COL19A1: variants seen among roughly 807,000 people sequenced by gnomAD.
COL19A1 encodes the protein collagen alpha-1(XIX) chain.
A neutral mutation model predicts 190.2 loss-of-function variants in COL19A1; 159 were observed. That is an observed-to-expected ratio of 0.84 (90% CI 0.73 to 0.95). The LOEUF (loss-of-function observed/expected upper bound fraction) is 0.95. Among genes scored for constraint, COL19A1 ranks in the 40% least tolerant of loss-of-function variants. The pLI, the probability that COL19A1 is intolerant of heterozygous loss-of-function variation, is 0.00. For synonymous variants in COL19A1, 509 were observed against 458.9 expected (o/e 1.11, Z -1.39); for missense variants, 1,418 against 1,431.9 (o/e 0.99, Z 0.16).
chr6:70,108,869 T>G (rs1245928154), intron 16 of COL19A1, among the ~76,000 whole-genome samples: 1 of 152,138 alleles, frequency 6.6e-6, no homozygotes, highest in Non-Finnish European at 1.5e-5. Context: ...CTTTAAAGCA[T>G]GAATCATTGC....
At chr6:69,960,647 T>TC (rs1304768500) in intron 10 of COL19A1, among the ~76,000 whole-genome samples, 1 of 132,978 alleles carries the variant, frequency 7.5e-6, no homozygotes, top group Non-Finnish European at 1.6e-5. Context: ...TTTTTTTTTT[T>TC]GAGACGGAGT....
chr6:70,054,668 C>T (rs1019357076), intron 14 of COL19A1, among the ~76,000 whole-genome samples: 53 of 152,204 alleles, frequency 3.5e-4, no homozygotes, highest in African/African-American at 1.3e-3. Context: ...TCAAACAGTA[C>T]TGTTAAAGGC....
chr6:70,160,676 A>G (rs999454711), intron 34 of COL19A1, among the ~76,000 whole-genome samples: 1 of 152,160 alleles, frequency 6.6e-6, no homozygotes, highest in African/African-American at 2.4e-5. Flanking sequence ...TATAATATTC[A>G]GTATGTATAT....
At chr6:69,989,545 G>A (rs868795592) in intron 11 of COL19A1, among the ~76,000 whole-genome samples, 3 of 126,144 alleles carry the variant, frequency 2.4e-5, no homozygotes, top group Admixed American at 1.5e-4. Context: ...CATAATGAGA[G>A]TTTTTTACTT....
chr6:69,981,031 A>G (rs990970752), intron 11 of COL19A1, among the ~76,000 whole-genome samples: 2 of 152,198 alleles, frequency 1.3e-5, no homozygotes, highest in Admixed American at 6.5e-5. Context: ...CATGCATGTG[A>G]TGGCCTTTAT....
In COL19A1 at chr6:70,142,726, T is replaced by C. The variant is rs374003202; in HGVS notation, c.1573-41T>C. Reference sequence around the variant, plus strand: ...CAGGTACAATCTATCTTTTTTTTTCTTTTTTAGCAAAGCTAAAGTATATAC... The same window carrying C: ...CAGGTACAATCTATCTTTTTTTTTCCTTTTTAGCAAAGCTAAAGTATATAC... On this transcript the variant is annotated intron_variant, in intron 22 of 50. Transcript: ENST00000620364. 8 of 1,540,244 alleles carry C rather than the reference T, an allele frequency of 5.2e-6. No homozygotes were observed. The East Asian group carries it at 1.6e-4, about 30-fold the overall frequency.
intron 11 of COL19A1, among the ~76,000 whole-genome samples, chr6:69,977,492 G>A (rs1775787849): frequency 6.6e-6 from 1 of 151,394 alleles, no homozygotes; most frequent in African/African-American, 2.4e-5. Context: ...AATGGGTGCA[G>A]CACACCAACA....
chr6:69,885,193 C>T (rs1172315374), intron 2 of COL19A1, among the ~76,000 whole-genome samples: 1 of 152,264 alleles, frequency 6.6e-6, no homozygotes, highest in Admixed American at 6.5e-5. Flanking sequence ...CCCCCCACCA[C>T]CTCTGTAAGT....
At chr6:70,078,330 G>A (rs1782015474) in intron 15 of COL19A1, among the ~76,000 whole-genome samples, 1 of 152,150 alleles carries the variant, frequency 6.6e-6, no homozygotes, top group African/African-American at 2.4e-5. Flanking sequence ...GCCTAAGATG[G>A]GATTCTTGTA....
At chr6:70,052,516 C>T (rs1343607140) in intron 14 of COL19A1, among the ~76,000 whole-genome samples, 3 of 152,162 alleles carry the variant, frequency 2.0e-5, no homozygotes, top group Admixed American at 6.6e-5. Context: ...GCTCTAGTCC[C>T]GGAGTATCTT....
chr6:70,034,769 A>G (rs1009909399), intron 13 of COL19A1, among the ~76,000 whole-genome samples: 2 of 152,238 alleles, frequency 1.3e-5, no homozygotes, highest in Non-Finnish European at 2.9e-5. Context: ...AAGGAAATTA[A>G]GAAATAGGAA....
At chr6:70,162,029 T>C in intron 35 of COL19A1, 76 bp downstream of exon 35, 1 of 1,355,816 alleles carries the variant, frequency 7.4e-7, no homozygotes, top group Non-Finnish European at 1.0e-6. Context: ...ATTTTCTTCA[T>C]TGCCTTTTGT....
chr6:70,083,050 G>A (rs1225346987), intron 15 of COL19A1, among the ~76,000 whole-genome samples: 1 of 152,196 alleles, frequency 6.6e-6, no homozygotes, highest in Non-Finnish European at 1.5e-5. Context: ...ACCGGTACCA[G>A]CCTGGGGCCT....
chr6:69,909,890 C>G (rs888557475), intron 4 of COL19A1, among the ~76,000 whole-genome samples: 1 of 152,088 alleles, frequency 6.6e-6, no homozygotes, highest in Non-Finnish European at 1.5e-5. Context: ...GACTCCATTG[C>G]TCACATCAGA....
At chr6:70,169,991 A>C (rs1445001297) in intron 40 of COL19A1, among the ~76,000 whole-genome samples, 2 of 152,174 alleles carry the variant, frequency 1.3e-5, no homozygotes, top group Non-Finnish European at 2.9e-5. Flanking sequence ...GGGGCTGGCA[A>C]CAAAAATGTA....
At chr6:69,972,625 A>T (rs1201844973) in intron 11 of COL19A1, among the ~76,000 whole-genome samples, 1 of 152,132 alleles carries the variant, frequency 6.6e-6, no homozygotes, top group Non-Finnish European at 1.5e-5. Context: ...ATAGCTAGGG[A>T]TAAAAATTAA....
At chr6:70,141,655 G>A (rs929950374) in intron 20 of COL19A1, among the ~76,000 whole-genome samples, 4 of 152,054 alleles carry the variant, frequency 2.6e-5, no homozygotes, top group African/African-American at 9.7e-5. Context: ...ATGATAATTA[G>A]TGTCAAAAAT....
chr6:69,949,078 A>G (rs1773979911), intron 9 of COL19A1, among the ~76,000 whole-genome samples: 1 of 151,842 alleles, frequency 6.6e-6, no homozygotes, highest in Non-Finnish European at 1.5e-5. Context: ...ATGTTTCCTC[A>G]AGCAGTTTTC....
chr6:70,202,202 C>A (rs1767594069), intron 49 of COL19A1, among the ~76,000 whole-genome samples: 1 of 152,154 alleles, frequency 6.6e-6, no homozygotes, highest in African/African-American at 2.4e-5. Flanking sequence ...GCCACTCATT[C>A]ATCCTGTCTG....
Sources: allele counts gnomAD v4.1 joint callset (sites outside exome capture counted in the v4.1 genomes callset), GRCh38; gene constraint gnomAD v4.1.1; transcripts MANE v1.5; gene names NCBI Gene and HGNC (gene_info 2026-07-23, HGNC 2026-07-21).